IFT74: variants seen among roughly 807,000 people sequenced by gnomAD.
IFT74 encodes intraflagellar transport 74.
IFT74 carries 92 observed loss-of-function variants against 96.7 expected under a neutral mutation model. That is an observed-to-expected ratio of 0.95 (90% CI 0.80 to 1.13). The LOEUF (loss-of-function observed/expected upper bound fraction) is 1.13, where lower values mean the gene tolerates loss of function less well. Ranked by LOEUF, IFT74 falls within the 50% of genes most tolerant of loss-of-function variation. IFT74 has a pLI of 0.00. For missense variants in IFT74, 811 were observed against 698.2 expected (o/e 1.16, Z -1.82); for synonymous variants, 223 against 213.2 (o/e 1.05, Z -0.40).
chr9:26,987,041 G>GT (rs764819587), intron 6 of IFT74, among the ~76,000 whole-genome samples: 44 of 151,578 alleles, frequency 2.9e-4, no homozygotes, highest in African/African-American at 8.2e-4. Context: ...GAGCAAAATA[G>GT]TTTTTTTTTG....
intron 6 of IFT74, among the ~76,000 whole-genome samples, chr9:26,987,337 G>A (rs781333502): frequency 5.9e-5 from 9 of 151,982 alleles, no homozygotes; most frequent in Non-Finnish European, 1.3e-4. Flanking sequence ...TGATCCACCC[G>A]CCTCAGCCTC....
At chr9:26,966,407 G>T (rs1826616255) in intron 2 of IFT74, among the ~76,000 whole-genome samples, 1 of 151,880 alleles carries the variant, frequency 6.6e-6, no homozygotes, top group Non-Finnish European at 1.5e-5. Context: ...GTTTTGATTT[G>T]CATTTCTCTG....
intron 13 of IFT74, among the ~76,000 whole-genome samples, chr9:27,029,778 T>C (rs76006619): frequency 1.4e-3 from 212 of 152,136 alleles, no homozygotes; most frequent in African/African-American, 4.9e-3. Context: ...TAAATAATAA[T>C]AATATAGTCA....
At chr9:27,015,306 G>A (rs745328986) in intron 10 of IFT74, among the ~76,000 whole-genome samples, 6 of 151,878 alleles carry the variant, frequency 4.0e-5, no homozygotes, top group East Asian at 1.9e-4. Flanking sequence ...TCGTCTACTC[G>A]TTCCTTTTTT....
At chr9:26,962,267 C>A (rs1487513368) in intron 2 of IFT74, among the ~76,000 whole-genome samples, 180 bp downstream of exon 2, 3 of 152,158 alleles carry the variant, frequency 2.0e-5, no homozygotes, top group African/African-American at 4.8e-5. Flanking sequence ...AGTTGGAAAT[C>A]CCCTCTGTAA....
intron 8 of IFT74, among the ~76,000 whole-genome samples, chr9:27,002,074 C>A (rs940166617): frequency 7.2e-5 from 11 of 152,080 alleles, no homozygotes. Flanking sequence ...GCATGTCTTA[C>A]ATGGCTAGAG....
chr9:27,060,660 T>TA lies in IFT74; in HGVS notation c.1684+14dup. 6.3e-7 allele frequency: 1 copy of TA among 1,593,168 alleles called. No individual in the cohort carries two copies. On this transcript the variant is annotated intron_variant, in intron 19 of 19. Transcript: ENST00000380062. ...TTTTGCGATGAAAGAATGTATCCTTTAAAAAGCTGAAAATGGGGCCGGGTG... is the reference window on the plus strand; with the variant it reads ...TTTTGCGATGAAAGAATGTATCCTTTAAAAAAGCTGAAAATGGGGCCGGGTG...
chr9:27,022,667 G>A (rs1829665278), intron 12 of IFT74, among the ~76,000 whole-genome samples: 1 of 146,652 alleles, frequency 6.8e-6, no homozygotes, highest in South Asian at 2.2e-4. Context: ...TTTTGAGACA[G>A]CGTCTTGCTC....
In IFT74 at chr9:27,012,829, G is replaced by A. The variant is rs561451394; in HGVS notation, c.789+861G>A. Reference sequence around the variant, plus strand: ...CCTCCCAGGTTCACGCCATTCTCCTGCCTCAGCCTCCAGAGTAGCTGGGAC... The same window carrying A: ...CCTCCCAGGTTCACGCCATTCTCCTACCTCAGCCTCCAGAGTAGCTGGGAC... On this transcript the variant is annotated intron_variant, in intron 10 of 19. Transcript: ENST00000380062. 2.8e-5 allele frequency among the ~76,000 whole-genome samples: 4 copies of A among 144,762 alleles called. No homozygotes were observed. The South Asian group carries it at 6.6e-4, about 24-fold the overall frequency. 95.0% of individuals were successfully genotyped at this position (144,762 alleles called of 152,430 possible). A position where few individuals can be genotyped will look rare whatever the true frequency, so the allele number is the denominator to read the frequency against.
Position 26,962,100 on chromosome 9 carries a change from C to T in IFT74, c.120+13C>T. 6.2e-7 allele frequency: 1 copy of T among 1,613,820 alleles called. No individual in the cohort carries two copies. Among genetic ancestry groups the T allele is most frequent in the African/African-American group, 1.3e-5 (1 of 74,998 alleles). Reference sequence around the variant, plus strand: ...AGTGGCAACTGCAGTAAGTTTGAAACAAATCTATTTACTTTGGGAGGCCAA... The same window carrying T: ...AGTGGCAACTGCAGTAAGTTTGAAATAAATCTATTTACTTTGGGAGGCCAA... On this transcript the variant is annotated intron_variant, in intron 2 of 19. Coordinates refer to ENST00000380062, the MANE Select transcript of IFT74 (RefSeq NM_025103.4).
intron 16 of IFT74, among the ~76,000 whole-genome samples, chr9:27,053,334 G>T (rs554153488): frequency 2.0e-5 from 3 of 152,148 alleles, no homozygotes; most frequent in Non-Finnish European, 4.4e-5. Flanking sequence ...AAAAGAGTCT[G>T]TAATCGACTT....
At chr9:26,985,146 C>T (rs975262902) in intron 6 of IFT74, among the ~76,000 whole-genome samples, 2 of 152,060 alleles carry the variant, frequency 1.3e-5, no homozygotes, top group African/African-American at 4.8e-5. Flanking sequence ...AGATCATGTC[C>T]CTTGCAGGAA....
At position 26,962,777 on chromosome 9, in the gene IFT74, A is replaced by G. The variant is rs1349881093; in HGVS notation, c.120+690A>G. ...TCTAAACATGACAGAAATAACAAGT[A>G]CTGAAAAGGAAAATATTTTTATTAT... On this transcript the variant is annotated intron_variant, in intron 2 of 19. Coordinates refer to ENST00000380062, the MANE Select transcript of IFT74 (RefSeq NM_025103.4). Among the ~76,000 whole-genome samples, 4 of 152,250 alleles carry G rather than the reference A, an allele frequency of 2.6e-5. No homozygotes were observed. In the East Asian group the frequency reaches 7.7e-4, roughly 29 times the overall value.
At chr9:26,962,118 G>A in intron 2 of IFT74, 31 bp downstream of exon 2, 4 of 1,612,430 alleles carry the variant, frequency 2.5e-6, no homozygotes, top group Non-Finnish European at 2.5e-6. Flanking sequence ...TTTACTTTGG[G>A]AGGCCAAGGT....
chr9:26,957,512 G>GGGGTCA (rs1214661279), intron 1 of IFT74, among the ~76,000 whole-genome samples: 5 of 152,194 alleles, frequency 3.3e-5, no homozygotes, highest in African/African-American at 1.2e-4. Context: ...GGGAGCTAGT[G>GGGGTCA]GGGTCAGGAA....
intron 2 of IFT74, among the ~76,000 whole-genome samples, chr9:26,964,968 G>A (rs1391444098): frequency 6.6e-6 from 1 of 152,000 alleles, no homozygotes; most frequent in African/African-American, 2.4e-5. Flanking sequence ...CTAAGCAGAA[G>A]GATATCCTGT....
chr9:26,988,820 A>G (rs1827748605), intron 7 of IFT74, 92 bp downstream of exon 7: 2 of 1,161,508 alleles, frequency 1.7e-6, no homozygotes, highest in Non-Finnish European at 2.4e-6. Flanking sequence ...TAAAACCTTA[A>G]GTGCTATAGA....
chr9:26,947,646 C>T (rs1378617708), intron 1 of IFT74, among the ~76,000 whole-genome samples: 1 of 152,174 alleles, frequency 6.6e-6, no homozygotes, highest in Non-Finnish European at 1.5e-5. Context: ...CCCTGAGAAT[C>T]TCGAGGTTTT....
chr9:27,028,862 A>G (rs1035180868), intron 12 of IFT74, 163 bp from the exon 13 acceptor site: 3 of 545,816 alleles, frequency 5.5e-6, no homozygotes, highest in Non-Finnish European at 9.1e-6. Flanking sequence ...TTTGTAAAAG[A>G]TATCCTAATG....
Sources: allele counts gnomAD v4.1 joint callset (sites outside exome capture counted in the v4.1 genomes callset), GRCh38; gene constraint gnomAD v4.1.1; transcripts MANE v1.5; gene names NCBI Gene and HGNC (gene_info 2026-07-23, HGNC 2026-07-21).